Variants in SLC3A2 observed in about 807,000 individuals in gnomAD.
SLC3A2 encodes solute carrier family 3 member 2, also known as amino acid transporter heavy chain SLC3A2.
A neutral mutation model predicts 48.5 loss-of-function variants in SLC3A2; 32 were observed. That is an observed-to-expected ratio of 0.66 (90% CI 0.50 to 0.89). The LOEUF (loss-of-function observed/expected upper bound fraction) is 0.89. SLC3A2 is among the 40% of genes least tolerant of loss of function. The probability of loss-of-function intolerance (pLI) is 0.00; values close to 1 mark genes in which losing one functional copy is unlikely to be tolerated. For synonymous variants in SLC3A2, 277 were observed against 288.8 expected (o/e 0.96, Z 0.41); for missense variants, 587 against 680.7 (o/e 0.86, Z 1.53).
upstream of SLC3A2, chr11:62,880,876 G>T: frequency 7.0e-7 from 1 of 1,421,078 alleles, no homozygotes; most frequent in Non-Finnish European, 9.2e-7. Context: ...CCTTCCCAGA[G>T]GCCGCGCCTG....
Position 62,881,612 on chromosome 11 carries a change from C to T in SLC3A2, c.424+165C>T. ...CCTCCCCGGCACATTGTCCTTCCCT[C>T]CTTTCTTTGAAGAAAGCCGACCCGC... On this transcript the variant is annotated intron_variant, in intron 1 of 8. Transcript: ENST00000338663. This position sits in a 1 kb window ranked among gnomAD's most constrained non-coding sequence, Gnocchi z 4.0. 4 of 1,085,530 alleles carry T rather than the reference C, an allele frequency of 3.7e-6. No homozygotes were observed. Among genetic ancestry groups the T allele is most frequent in the Non-Finnish European group, 5.1e-6 (4 of 782,278 alleles). The allele number at this position is 1,085,530 out of a possible 1,614,324, so 67.2% of individuals were successfully genotyped here.
intron 1 of SLC3A2, among the ~76,000 whole-genome samples, chr11:62,874,435 C>G (rs2085549964): frequency 6.6e-6 from 1 of 152,124 alleles, no homozygotes; most frequent in Non-Finnish European, 1.5e-5. Flanking sequence ...TTTCATTTGT[C>G]TAACTTACTT....
intron 1 of SLC3A2, among the ~76,000 whole-genome samples, chr11:62,867,844 C>G (rs925807755): frequency 2.6e-5 from 4 of 151,964 alleles, no homozygotes; most frequent in African/African-American, 9.7e-5. Context: ...CTGGTTCTTT[C>G]AAATTTAGTC....
rs1555021303 is a variant in SLC3A2 at position 62,885,552 on chromosome 11, C to T, written c.1087C>T (p.Pro363Ser). Residue 363 changes from proline (P) to serine (S), a missense_variant, in exon 7 of 9, where the codon CCT (proline) becomes TCT (serine). Physicochemically the swap from Pro to Ser is moderately conservative, Grantham distance 74 (BLOSUM62 -1). This residue lies in a region of SLC3A2 where 9 missense variants were observed against 29.7 expected (regional missense o/e 0.30). Transcript: ENST00000338663. ...QLMLFTLPGT[P>S]VFSYGDEIGL... ...GATGCTCTTCACCCTGCCAGGGACCCCTGTTTTCAGCTACGGGGATGAGAT... is the reference window on the plus strand; with the variant it reads ...GATGCTCTTCACCCTGCCAGGGACCTCTGTTTTCAGCTACGGGGATGAGAT... 6.2e-7 allele frequency: 1 copy of T among 1,614,156 alleles called. No homozygotes were observed.
Position 62,881,849 on chromosome 11 carries a change from G to T in SLC3A2, c.425-44G>T, listed in dbSNP as rs368712824. Reference sequence around the variant, plus strand: ...AGAAGGGAGGGTGGGGAGGTCAGGGGCCTCTCAGAGGGGCCTCACTTGTTA... The same window carrying T: ...AGAAGGGAGGGTGGGGAGGTCAGGGTCCTCTCAGAGGGGCCTCACTTGTTA... On this transcript the variant is annotated intron_variant, in intron 1 of 8. Coordinates refer to ENST00000338663, the MANE Select transcript of SLC3A2 (RefSeq NM_001013251.3). The surrounding 1 kb of genome is among the most constrained non-coding windows in gnomAD (Gnocchi z 4.0). 2.5e-6 allele frequency: 4 copies of T among 1,599,318 alleles called. No individual in the cohort carries two copies. The highest frequency in any genetic ancestry group is 1.7e-5 in the Admixed American group (1 of 59,280).
rs746906877 is a variant in SLC3A2 at position 62,881,969 on chromosome 11, G to A, written c.501G>A (p.Gln167=). 8 of 1,614,068 alleles carry A rather than the reference G, an allele frequency of 5.0e-6. No individual in the cohort carries two copies. Among genetic ancestry groups the A allele is most frequent in the African/African-American group, 4.0e-5 (3 of 74,912 alleles). ...TGCTGGGTCCAATTCACAAGAACCAGAAGGATGATGTCGCTCAGACTGACT... is the reference window on the plus strand; with the variant it reads ...TGCTGGGTCCAATTCACAAGAACCAAAAGGATGATGTCGCTCAGACTGACT... ...GLVLGPIHKN[Q]KDDVAQTDLL... is the part of the protein sequence containing the mutation. The change falls in exon 2 of 9, where the codon CAG becomes CAA. Residue 167 remains glutamine, a synonymous_variant. Transcript: ENST00000338663. This position sits in a 1 kb window ranked among gnomAD's most constrained non-coding sequence, Gnocchi z 4.0.
At chr11:62,866,930 G>A (rs1030249823) in intron 1 of SLC3A2, among the ~76,000 whole-genome samples, 5 of 152,078 alleles carry the variant, frequency 3.3e-5, no homozygotes, top group Non-Finnish European at 7.4e-5. Context: ...ACATTCCACC[G>A]TATCTTTTGG....
chr11:62,887,880 A>C, intron 7 of SLC3A2: 2 of 364,948 alleles, frequency 5.5e-6, no homozygotes, highest in Non-Finnish European at 1.0e-5. Context: ...GCAAGCTCAA[A>C]CTCCTGGGTT....
intron 1 of SLC3A2, among the ~76,000 whole-genome samples, chr11:62,860,736 A>T (rs1407759465): frequency 6.6e-6 from 1 of 152,120 alleles, no homozygotes; most frequent in South Asian, 2.1e-4. Context: ...CAGTGGAGAG[A>T]AACCTTGGAC....
upstream of SLC3A2, chr11:62,856,116 G>A (rs995106664): frequency 2.5e-5 from 15 of 588,290 alleles, no homozygotes; most frequent in Non-Finnish European, 3.5e-5. Context: ...ACCGCATTGC[G>A]GCTTGGTTTT....
chr11:62,883,112 T>C (rs1021481783), intron 3 of SLC3A2, 113 bp downstream of exon 3: 2 of 929,438 alleles, frequency 2.2e-6, no homozygotes, highest in Admixed American at 3.8e-5. Flanking sequence ...CTTTGCTCCT[T>C]AGGACCAAGG....
rs755562137 is a variant in SLC3A2 at position 62,881,927 on chromosome 11, G to A, written c.459G>A (p.Leu153=). The change falls in exon 2 of 9, where the codon CTG becomes CTA. Residue 153 remains leucine, a synonymous_variant. Coordinates refer to ENST00000338663, the MANE Select transcript of SLC3A2 (RefSeq NM_001013251.3). The surrounding 1 kb of genome is among the most constrained non-coding windows in gnomAD (Gnocchi z 4.0). ...LKGRLDYLSS[L]KVKGLVLGPI... The stretch of plus-strand genomic sequence containing the variant: ...GGCGTCTCGATTACCTGAGCTCTCT[G>A]AAGGTGAAGGGCCTTGTGCTGGGTC... 1 of 1,614,136 alleles carries A rather than the reference G, an allele frequency of 6.2e-7. No homozygotes were observed. Among genetic ancestry groups the A allele is most frequent in the Non-Finnish European group, 8.5e-7 (1 of 1,180,028 alleles).
At position 62,888,735 on chromosome 11, in the gene SLC3A2, C is replaced by G. The variant is rs754543205; in HGVS notation, c.*42C>G. 1 of 1,499,764 alleles carries G rather than the reference C, an allele frequency of 6.7e-7. No individual in the cohort carries two copies. Among genetic ancestry groups the G allele is most frequent in the Non-Finnish European group, 8.9e-7 (1 of 1,124,248 alleles). 92.9% of individuals were successfully genotyped at this position (1,499,764 alleles called of 1,614,324 possible). On this transcript the variant is annotated 3_prime_UTR_variant, in exon 9 of 9. Coordinates refer to ENST00000338663, the MANE Select transcript of SLC3A2 (RefSeq NM_001013251.3). ...ACCCACTACCCTTCTCCTTTCCTTCCCAGGCCCTTTGGCTTCTGATTTTTC... is the reference window on the plus strand; with the variant it reads ...ACCCACTACCCTTCTCCTTTCCTTCGCAGGCCCTTTGGCTTCTGATTTTTC...
At chr11:62,879,382 AG>A (rs1412506485), upstream of SLC3A2, among the ~76,000 whole-genome samples, 2 of 152,226 alleles carry the variant, frequency 1.3e-5, no homozygotes, top group Admixed American at 6.5e-5. Flanking sequence ...GCTAGGTGAC[AG>A]GCATGAGTCA....
intron 1 of SLC3A2, among the ~76,000 whole-genome samples, chr11:62,857,421 GC>G (rs1590611107): frequency 6.6e-6 from 1 of 152,180 alleles, no homozygotes; most frequent in African/African-American, 2.4e-5. Flanking sequence ...ACCACACCCG[GC>G]CTGGCTCAGC....
intron 1 of SLC3A2, among the ~76,000 whole-genome samples, chr11:62,859,896 TGAGAAAAGAAATAAGACACAGAGACA>T (rs1183784031): frequency 2.6e-5 from 4 of 151,888 alleles, no homozygotes; most frequent in African/African-American, 7.3e-5. Context: ...GACGAGAGAC[TGAGAAAAGAAATAAGACACAGAGACA>T]AAGTATAGAG....
At chr11:62,874,330 A>G (rs1220420906) in intron 1 of SLC3A2, among the ~76,000 whole-genome samples, 1 of 152,142 alleles carries the variant, frequency 6.6e-6, no homozygotes, top group Non-Finnish European at 1.5e-5. Flanking sequence ...TGTTAAAAGT[A>G]CTACCCCATA....
At chr11:62,870,485 A>C (rs146064231) in intron 1 of SLC3A2, among the ~76,000 whole-genome samples, 2 of 151,718 alleles carry the variant, frequency 1.3e-5, no homozygotes, top group Non-Finnish European at 1.5e-5. Context: ...CGCCTGGCCT[A>C]TTTGATTACT....
intron 1 of SLC3A2, among the ~76,000 whole-genome samples, chr11:62,873,350 T>A (rs1310465717): frequency 1.3e-5 from 2 of 151,748 alleles, no homozygotes; most frequent in South Asian, 2.1e-4. Context: ...TAGCCGGGCA[T>A]GGTGGTGGGC....
Sources: allele counts gnomAD v4.1 joint callset (sites outside exome capture counted in the v4.1 genomes callset), GRCh38; gene constraint gnomAD v4.1.1; regional missense constraint gnomAD v4.1.1; non-coding constraint Gnocchi (gnomAD v3.1); transcripts MANE v1.5; gene names NCBI Gene and HGNC (gene_info 2026-07-23, HGNC 2026-07-21).